Variants in CSMD3 observed in about 807,000 individuals in gnomAD.
The protein encoded by CSMD3 is CUB and Sushi multiple domains 3.
CSMD3 carries 177 observed loss-of-function variants against 435.2 expected under a neutral mutation model. The observed-to-expected ratio is 0.41, with a 90% CI of 0.36 to 0.46. The LOEUF is 0.46. Ranked by LOEUF, CSMD3 falls within the 20% of genes least tolerant of loss-of-function variation. The probability of loss-of-function intolerance (pLI) is 0.34; values close to 1 mark genes in which losing one functional copy is unlikely to be tolerated. For synonymous variants in CSMD3, 1,656 were observed against 1,520.5 expected (o/e 1.09, Z -2.07); for missense variants, 4,265 against 4,504.6 (o/e 0.95, Z 1.52).
At chr8:112,570,991 T>A (rs1453434505) in intron 24 of CSMD3, among the ~76,000 whole-genome samples, 1 of 152,074 alleles carries the variant, frequency 6.6e-6, no homozygotes, top group Non-Finnish European at 1.5e-5. Flanking sequence ...TAATGGACAA[T>A]TATTAATTTT....
chr8:112,304,377 G>GTT (rs75534103), intron 52 of CSMD3, among the ~76,000 whole-genome samples: 3 of 141,558 alleles, frequency 2.1e-5, no homozygotes, highest in African/African-American at 2.6e-5. Flanking sequence ...TGGGGCAAAG[G>GTT]TTTTTTTTTT....
chr8:112,535,894 C>G (rs1826028821), intron 27 of CSMD3, among the ~76,000 whole-genome samples: 1 of 151,990 alleles, frequency 6.6e-6, no homozygotes, highest in Non-Finnish European at 1.5e-5. Flanking sequence ...TGATCTTTGA[C>G]AAACCTGAGA....
chr8:113,213,178 TC>T (rs1268956482), intron 3 of CSMD3, among the ~76,000 whole-genome samples: 2 of 152,104 alleles, frequency 1.3e-5, no homozygotes, highest in East Asian at 3.9e-4. Context: ...CAAATCTACC[TC>T]TTTTCCTAGA....
In CSMD3 at chr8:112,538,163, T is replaced by C. The variant is rs1323445399; in HGVS notation, c.4564+12508A>G. ...TTCAGCATCCCTTAATGATAACAAC[T>C]CTCAACAAACTGGTTATGGAAGGAA... On this transcript the variant is annotated intron_variant, in intron 27 of 70. Transcript: ENST00000297405. Among the ~76,000 whole-genome samples, 3 of 151,778 alleles carry C rather than the reference T, an allele frequency of 2.0e-5. No homozygotes were observed. The East Asian group carries it at 5.8e-4, about 29-fold the overall frequency.
At chr8:112,547,854 TTA>T (rs2131173967) in intron 27 of CSMD3, among the ~76,000 whole-genome samples, 1 of 152,218 alleles carries the variant, frequency 6.6e-6, no homozygotes, top group African/African-American at 2.4e-5. Context: ...TGAGAATTAA[TTA>T]GTGATAAATA....
At chr8:112,251,072 A>G (rs7816045) in intron 63 of CSMD3, among the ~76,000 whole-genome samples, 100,630 of 151,452 alleles carry the variant, frequency 0.66, 35,247 homozygotes, top group African/African-American at 0.89. Context: ...AACACTTGGC[A>G]TGCTAGAATT....
At chr8:112,808,110 G>C (rs947230227) in intron 12 of CSMD3, among the ~76,000 whole-genome samples, 2 of 152,082 alleles carry the variant, frequency 1.3e-5, no homozygotes, top group African/African-American at 4.8e-5. Context: ...AGGTACATGT[G>C]GCAGTTTTCC....
intron 59 of CSMD3, among the ~76,000 whole-genome samples, chr8:112,277,250 C>T (rs1818157030): frequency 6.6e-6 from 1 of 152,134 alleles, no homozygotes; most frequent in Non-Finnish European, 1.5e-5. Context: ...GAATGCTTTG[C>T]TGCTTAGACA....
intron 32 of CSMD3, among the ~76,000 whole-genome samples, chr8:112,454,999 G>A (rs575012438): frequency 1.3e-5 from 2 of 151,580 alleles, no homozygotes; most frequent in South Asian, 2.1e-4. Flanking sequence ...CACTGCACTC[G>A]AGCCTGAGTG....
chr8:112,859,306 A>AC, intron 10 of CSMD3, 40 bp from the exon 11 acceptor site: 7 of 1,564,996 alleles, frequency 4.5e-6, no homozygotes, highest in Non-Finnish European at 6.2e-6. Flanking sequence ...AACATATGTC[A>AC]CATGTAAAAT....
At chr8:112,722,307 C>T (rs1397661944) in intron 13 of CSMD3, among the ~76,000 whole-genome samples, 2 of 151,636 alleles carry the variant, frequency 1.3e-5, no homozygotes, top group Non-Finnish European at 2.9e-5. Flanking sequence ...AAAAAAAAGG[C>T]TATACCAGAC....
At chr8:112,997,028 A>G (rs2085678920) in intron 6 of CSMD3, among the ~76,000 whole-genome samples, 1 of 151,498 alleles carries the variant, frequency 6.6e-6, no homozygotes, top group African/African-American at 2.4e-5. Context: ...CAGGGTACTG[A>G]TTAGTGTCTA....
Position 112,224,621 on chromosome 8 carries a change from T to C in CSMD3, c.*150A>G, listed in dbSNP as rs1812405206. On this transcript the variant is annotated 3_prime_UTR_variant, in exon 71 of 71. Transcript: ENST00000297405. ...AAACATGAAGAATTATGGTCCAGTT[T>C]ATGAAAAAACACTCTTCTGTATCAT... 7.6e-6 allele frequency: 6 copies of C among 793,034 alleles called. No homozygotes were observed. In the Admixed American group the frequency reaches 1.2e-4, roughly 15 times the overall value. The allele number at this position is 793,034 out of a possible 1,614,324, so 49.1% of individuals were successfully genotyped here. A position where few individuals can be genotyped will look rare whatever the true frequency, so the allele number is the denominator to read the frequency against.
At chr8:112,914,672 T>A (rs1372997070) in intron 10 of CSMD3, among the ~76,000 whole-genome samples, 1 of 151,770 alleles carries the variant, frequency 6.6e-6, no homozygotes, top group East Asian at 2.0e-4. Context: ...TGTCTGTATA[T>A]ATTCTGCCTA....
intron 1 of CSMD3, among the ~76,000 whole-genome samples, chr8:113,386,594 T>G (rs1453312262): frequency 6.6e-6 from 1 of 151,700 alleles, no homozygotes; most frequent in Non-Finnish European, 1.5e-5. Flanking sequence ...AAATCATATT[T>G]CACAAGCAAG....
At position 113,057,894 on chromosome 8, in the gene CSMD3, T is replaced by C. The variant is rs187228994; in HGVS notation, c.918-38715A>G. Among the ~76,000 whole-genome samples the C allele has an allele frequency of 4.6e-3, 699 of 152,006 alleles. 8 individuals carry two copies. Among genetic ancestry groups the C allele is most frequent in the African/African-American group, 0.016 (645 of 41,572 alleles). On this transcript the variant is annotated intron_variant, in intron 5 of 70. Coordinates refer to ENST00000297405, the MANE Select transcript of CSMD3 (RefSeq NM_198123.2). Reference sequence around the variant, plus strand: ...AATTGTGCTCACCTTGGTAGATAACTATGGTATTGAACTACATTGTAATAC... The same window carrying C: ...AATTGTGCTCACCTTGGTAGATAACCATGGTATTGAACTACATTGTAATAC...
intron 1 of CSMD3, among the ~76,000 whole-genome samples, chr8:113,410,900 T>TGAAAGAAAGAAAGAAAGAA (rs2094555643): frequency 1.9e-5 from 2 of 105,482 alleles, no homozygotes; most frequent in East Asian, 2.6e-4. Context: ...CAAAACCCTG[T>TGAAAGAAAGAAAGAAAGAA]GAAAGAAAGA....
rs568723675 is a variant in CSMD3 at position 112,324,306 on chromosome 8, G to C, written c.7166-4325C>G. 2.0e-5 allele frequency among the ~76,000 whole-genome samples: 3 copies of C among 152,060 alleles called. No individual in the cohort carries two copies. The East Asian group carries it at 5.8e-4, about 30-fold the overall frequency. ...TTAGCATTTAGTGTTTCATTGTGTT[G>C]AATTGTTTTATGTATTGGTTCACGT... On this transcript the variant is annotated intron_variant, in intron 45 of 70. Coordinates refer to ENST00000297405, the MANE Select transcript of CSMD3 (RefSeq NM_198123.2).
At chr8:112,603,808 A>G (rs150090969) in intron 22 of CSMD3, among the ~76,000 whole-genome samples, 1,712 of 152,264 alleles carry the variant, frequency 0.011, 29 homozygotes, top group African/African-American at 0.038. Flanking sequence ...ATTGCATATT[A>G]GTGAACCTAA....
Sources: gnomAD v4.1 joint callset for allele counts (sites outside exome capture counted in the v4.1 genomes callset) on GRCh38, gnomAD v4.1.1 for gene constraint, MANE v1.5 for transcripts, NCBI Gene and HGNC (gene_info 2026-07-23, HGNC 2026-07-21) for gene names.